The following GMEB2 variants were observed in gnomAD, a reference collection of about 807,000 sequenced individuals.
GMEB2 encodes glucocorticoid modulatory element binding protein 2, also known as glucocorticoid modulatory element-binding protein 2.
A neutral mutation model predicts 45.7 loss-of-function variants in GMEB2; 7 were observed. The observed-to-expected ratio is 0.15, with a 90% CI of 0.09 to 0.29. The LOEUF (loss-of-function observed/expected upper bound fraction) is 0.29, where lower values mean the gene tolerates loss of function less well. Ranked by LOEUF, GMEB2 falls within the 10% of genes least tolerant of loss-of-function variation. The probability of loss-of-function intolerance (pLI) is 1.00; values close to 1 mark genes in which losing one functional copy is unlikely to be tolerated. For missense variants in GMEB2, 582 were observed against 739.2 expected, an observed-to-expected ratio of 0.79 and a Z score of 2.47; for synonymous variants, 322 against 323.6, an observed-to-expected ratio of 1.00 and a Z score of 0.05.
chr20:63,618,890 A>T (rs1388607849), intron 2 of GMEB2, among the ~76,000 whole-genome samples: 1 of 152,206 alleles, frequency 6.6e-6, no homozygotes, highest in Non-Finnish European at 1.5e-5. Context: ...TGGTACAGAG[A>T]TGAGGAAGAA....
chr20:63,592,558 G>C lies in GMEB2; in HGVS notation c.804C>G (p.Val268=). The change falls in exon 8 of 10, where the codon GTC becomes GTG. Residue 268 remains valine (V), a synonymous_variant. Coordinates refer to ENST00000370077, the MANE Select transcript of GMEB2 (RefSeq NM_012384.5). The surrounding 1 kb of genome is among the most constrained non-coding windows in gnomAD (Gnocchi z 8.2). ...CTCGAAGCTGCAGGGGAGGGTCCTG[G>C]ACCCGCTGCTGCAGGCCTCTCATGG... The part of the protein sequence containing the change: ...VETMRGLQQR[V]QDPPLQLRDA... The C allele has an allele frequency of 6.2e-7, 1 of 1,612,398 alleles. No individual in the cohort carries two copies. Among genetic ancestry groups the C allele is most frequent in the Non-Finnish European group, 8.5e-7 (1 of 1,178,708 alleles).
chr20:63,602,979 C>T lies in GMEB2; in HGVS notation c.343G>A (p.Val115Met). ...CCTGTGCTCACCTGAACACATTTCA[C>T]ATTGATGCCGGGACACACAAACTTC... ...WRKFVCPGIN[V>M]KCVQYDEHVI... is the part of the protein sequence containing the mutation. The change falls in exon 4 of 10, where the codon GTG (valine) becomes ATG (methionine). Residue 115 changes from valine to methionine, a missense_variant. Physicochemically the swap from Val to Met is conservative, Grantham distance 21 (BLOSUM62 1). Around this residue, in one of 3 missense-constraint regions of GMEB2, gnomAD observed 462 missense variants for 586.7 expected, o/e 0.79. Coordinates refer to ENST00000370077, the MANE Select transcript of GMEB2 (RefSeq NM_012384.5). 6.2e-7 allele frequency: 1 copy of T among 1,614,130 alleles called. No individual in the cohort carries two copies. Among genetic ancestry groups the T allele is most frequent in the Non-Finnish European group, 8.5e-7 (1 of 1,179,974 alleles).
At chr20:63,602,837 G>A (rs988530711) in intron 4 of GMEB2, 128 bp downstream of exon 4, 10 of 788,586 alleles carry the variant, frequency 1.3e-5, no homozygotes, top group Middle Eastern at 3.6e-4. Context: ...GGTTCTTCCC[G>A]CACCTCCTTC....
intron 3 of GMEB2, among the ~76,000 whole-genome samples, chr20:63,604,322 G>C (rs1390171593): frequency 1.3e-5 from 2 of 152,124 alleles, no homozygotes; most frequent in African/African-American, 4.8e-5. Flanking sequence ...AGGCTATGGT[G>C]AACGGTGATC....
chr20:63,597,936 T>C (rs1401522497), intron 4 of GMEB2, 76 bp from the exon 5 acceptor site: 58 of 852,464 alleles, frequency 6.8e-5, no homozygotes, highest in Non-Finnish European at 1.1e-4. Context: ...CATCCGACCC[T>C]GAGTCAGGCG....
chr20:63,606,728 G>C (rs1476336655), intron 2 of GMEB2, among the ~76,000 whole-genome samples: 1 of 152,190 alleles, frequency 6.6e-6, no homozygotes, highest in Non-Finnish European at 1.5e-5. Flanking sequence ...CTTATTTCCT[G>C]ATATGACATA....
intron 2 of GMEB2, among the ~76,000 whole-genome samples, chr20:63,613,675 T>C (rs1038998653): frequency 2.6e-5 from 4 of 152,084 alleles, no homozygotes; most frequent in African/African-American, 9.7e-5. Flanking sequence ...CCACCACGCC[T>C]GGCTAATTTT....
At chr20:63,610,274 C>G (rs2089559028) in intron 2 of GMEB2, among the ~76,000 whole-genome samples, 1 of 152,196 alleles carries the variant, frequency 6.6e-6, no homozygotes, top group South Asian at 2.1e-4. Flanking sequence ...GTAATCCCAG[C>G]ACTTTGGGAG....
At chr20:63,624,298 G>A (rs1291142940) in intron 1 of GMEB2, among the ~76,000 whole-genome samples, 3 of 150,638 alleles carry the variant, frequency 2.0e-5, no homozygotes, top group African/African-American at 7.3e-5. Flanking sequence ...GCATGGTGGC[G>A]GGTGCCTGTA....
At chr20:63,599,059 G>A (rs2083221420) in intron 4 of GMEB2, among the ~76,000 whole-genome samples, 1 of 152,188 alleles carries the variant, frequency 6.6e-6, no homozygotes, top group Non-Finnish European at 1.5e-5. Context: ...CTCATGAGTG[G>A]CTCCAGGAGC....
In GMEB2 at chr20:63,618,301, A is replaced by G. The variant is rs143939392; in HGVS notation, c.131+966T>C. On this transcript the variant is annotated intron_variant, in intron 2 of 9. Transcript: ENST00000370077. ...TGGATGAGACAGGGGAGGACAGGGT[A>G]CCTCACACCAGGAACCCACACAGGT... Among the ~76,000 whole-genome samples, 156 of 152,264 alleles carry G rather than the reference A, an allele frequency of 1.0e-3. 2 individuals are homozygous for G. The highest frequency in any genetic ancestry group is 1.9e-3 in the Admixed American group (29 of 15,298).
rs2089631856 is a variant in GMEB2 at position 63,619,547 on chromosome 20, C to G, written c.-57-93G>C. 6 of 681,626 alleles carry G rather than the reference C, an allele frequency of 8.8e-6. No homozygotes were observed. The African/African-American group carries it at 9.3e-5, about 11-fold the overall frequency. The allele number at this position is 681,626 out of a possible 1,614,324, so 42.2% of individuals were successfully genotyped here. Reference sequence around the variant, plus strand: ...AGGCATCTCTAATCAGCTCCAAAGACCCACCCTTGAGTCCCAGACTGCTAC... The same window carrying G: ...AGGCATCTCTAATCAGCTCCAAAGAGCCACCCTTGAGTCCCAGACTGCTAC... On this transcript the variant is annotated intron_variant, in intron 1 of 9. Transcript: ENST00000370077. This position sits in a 1 kb window ranked among gnomAD's most constrained non-coding sequence, Gnocchi z 4.6.
chr20:63,619,168 A>G lies in GMEB2; in HGVS notation c.131+99T>C, dbSNP rs1317744485. The G allele has an allele frequency of 3.3e-6, 4 of 1,225,680 alleles. No individual in the cohort carries two copies. Among genetic ancestry groups the G allele is most frequent in the Non-Finnish European group, 3.3e-6 (3 of 904,868 alleles). 75.9% of individuals were successfully genotyped at this position (1,225,680 alleles called of 1,614,324 possible). On this transcript the variant is annotated intron_variant, in intron 2 of 9. Transcript: ENST00000370077. The surrounding 1 kb of genome is among the most constrained non-coding windows in gnomAD (Gnocchi z 4.6). ...TCTCAGAAGAACTGGAACTAGAAAAATCCTGACACTTGTCCCTTACTACGT... is the reference window on the plus strand; with the variant it reads ...TCTCAGAAGAACTGGAACTAGAAAAGTCCTGACACTTGTCCCTTACTACGT...
At chr20:63,604,283 T>G (rs1243749421) in intron 3 of GMEB2, among the ~76,000 whole-genome samples, 1 of 147,154 alleles carries the variant, frequency 6.8e-6, no homozygotes, top group Non-Finnish European at 1.5e-5. Flanking sequence ...GAGGCTGAGG[T>G]AGGAGGATCA....
chr20:63,603,698 C>T (rs910164967), intron 3 of GMEB2, among the ~76,000 whole-genome samples: 41 of 151,092 alleles, frequency 2.7e-4, no homozygotes, highest in Non-Finnish European at 5.9e-5. Flanking sequence ...GTCGAGATCG[C>T]GCCACCGCAC....
intron 2 of GMEB2, among the ~76,000 whole-genome samples, chr20:63,612,018 T>C (rs1057092482): frequency 3.3e-5 from 5 of 152,188 alleles, no homozygotes; most frequent in African/African-American, 4.8e-5. Context: ...ACTGTGCCAC[T>C]GCACTCCAGT....
chr20:63,623,482 G>T (rs985867540), intron 1 of GMEB2, among the ~76,000 whole-genome samples: 1 of 152,134 alleles, frequency 6.6e-6, no homozygotes, highest in Admixed American at 6.6e-5. Context: ...TCAAAATAAA[G>T]AACTTTAAAC....
intron 3 of GMEB2, among the ~76,000 whole-genome samples, chr20:63,604,068 A>C (rs1025840328): frequency 5.1e-5 from 2 of 39,304 alleles, no homozygotes; most frequent in Non-Finnish European, 8.9e-5. Context: ...AAAAAAAAAA[A>C]AACAGAATTT....
rs964394110 is a variant in GMEB2, at chr20:63,589,532, G to A, written c.*557C>T. 1.3e-5 allele frequency: 3 copies of A among 234,434 alleles called. No homozygotes were observed. The highest frequency in any genetic ancestry group is 2.5e-5 in the Non-Finnish European group (3 of 122,360). 14.5% of individuals were successfully genotyped at this position (234,434 alleles called of 1,614,324 possible). A position where few individuals can be genotyped will look rare whatever the true frequency, so the allele number is the denominator to read the frequency against. Reference sequence around the variant, plus strand: ...AGCTCCGGGTGCATGTTCCCAACTGGAGGAGAACGGGGCGCCAGCCACACT... The same window carrying A: ...AGCTCCGGGTGCATGTTCCCAACTGAAGGAGAACGGGGCGCCAGCCACACT... On this transcript the variant is annotated 3_prime_UTR_variant, in exon 10 of 10. Coordinates refer to ENST00000370077, the MANE Select transcript of GMEB2 (RefSeq NM_012384.5).
Sources: gnomAD v4.1 joint callset for allele counts (sites outside exome capture counted in the v4.1 genomes callset) on GRCh38, gnomAD v4.1.1 for gene constraint, gnomAD v4.1.1 regional missense constraint, Gnocchi (gnomAD v3.1) non-coding constraint, MANE v1.5 for transcripts, NCBI Gene and HGNC (gene_info 2026-07-23, HGNC 2026-07-21) for gene names.